The following FBXL13 variants were observed in gnomAD, a reference collection of about 807,000 sequenced individuals.
FBXL13 encodes F-box and leucine rich repeat protein 13.
FBXL13 carries 67 observed loss-of-function variants against 83.6 expected under a neutral mutation model. That is an observed-to-expected ratio of 0.80 (90% CI 0.66 to 0.98). The LOEUF is 0.98. FBXL13 is among the 50% of genes least tolerant of loss of function. The pLI is 0.00. For missense variants in FBXL13, 822 were observed against 866.5 expected, an observed-to-expected ratio of 0.95 and a Z score of 0.64; for synonymous variants, 272 against 299.5, an observed-to-expected ratio of 0.91 and a Z score of 0.95.
intron 6 of FBXL13, among the ~76,000 whole-genome samples, chr7:102,994,950 T>C (rs1179410739): frequency 6.6e-6 from 1 of 152,208 alleles, no homozygotes; most frequent in Non-Finnish European, 1.5e-5. Context: ...TCAGCCCAGT[T>C]AGGTACTCAA....
chr7:103,003,356 C>T (rs542617211), intron 6 of FBXL13, among the ~76,000 whole-genome samples: 2 of 131,298 alleles, frequency 1.5e-5, no homozygotes, highest in Non-Finnish European at 3.1e-5. Flanking sequence ...GGTGTGATCT[C>T]GGCTCACTGC....
chr7:102,963,620 C>G lies in FBXL13; in HGVS notation c.637G>C (p.Val213Leu), dbSNP rs754708511. Residue 213 changes from valine (V) to leucine (L), a missense_variant, in exon 8 of 20, where the codon GTG becomes CTG. Coordinates refer to ENST00000313221, the Ensembl canonical transcript of FBXL13. ...AAACGCCACCTTTGCAAAGTAGACA[C>G]TATATATTTATCTGGAATCACATTT... 6.2e-6 allele frequency: 10 copies of G among 1,609,486 alleles called. No homozygotes were observed. The South Asian group carries it at 1.1e-4, about 18-fold the overall frequency.
At chr7:102,851,647 C>T (rs925113035) in intron 17 of FBXL13, among the ~76,000 whole-genome samples, 2 of 151,584 alleles carry the variant, frequency 1.3e-5, no homozygotes, top group Non-Finnish European at 2.9e-5. Context: ...GTTTTAAACT[C>T]TCAAGGCACA....
chr7:103,066,787 G>T (rs928924129), intron 1 of FBXL13, among the ~76,000 whole-genome samples: 31 of 150,852 alleles, frequency 2.1e-4, no homozygotes, highest in African/African-American at 7.3e-4. Context: ...AGAATTTTGT[G>T]AGGATTTTTT....
rs1375789469 is a variant in FBXL13, at chr7:102,875,416, G to C, written c.1635+2051C>G. On this transcript the variant is annotated intron_variant, in intron 16 of 19. Transcript: ENST00000313221. ...AAAAGAGGAGGGGAGGGGAGAGCCA[G>C]AGGGAAGCAAATGCTGAGAAATTCA... Among the ~76,000 whole-genome samples, 3 of 152,112 alleles carry C rather than the reference G, an allele frequency of 2.0e-5. No individual in the cohort carries two copies. In the East Asian group the frequency reaches 5.8e-4, roughly 29 times the overall value.
intron 10 of FBXL13, among the ~76,000 whole-genome samples, chr7:102,924,888 C>T (rs887319639): frequency 1.3e-5 from 2 of 152,032 alleles, no homozygotes; most frequent in African/African-American, 2.4e-5. Context: ...CCCGGCCTCC[C>T]AAAGTGCTGG....
At chr7:102,838,979 TTGAGA>T (rs1300933053) in intron 17 of FBXL13, among the ~76,000 whole-genome samples, 1 of 152,144 alleles carries the variant, frequency 6.6e-6, no homozygotes, top group Non-Finnish European at 1.5e-5. Context: ...CCTCTTGCAG[TTGAGA>T]TAAGAGGAAG....
intron 8 of FBXL13, among the ~76,000 whole-genome samples, chr7:102,942,012 C>G (rs992725448): frequency 3.3e-5 from 5 of 152,116 alleles, no homozygotes; most frequent in Non-Finnish European, 5.9e-5. Flanking sequence ...CTTTTCTGTC[C>G]TTAGGATCCC....
In FBXL13 at chr7:102,931,837, G is replaced by A. The variant is rs776911195; in HGVS notation, c.777+44C>T. 34 of 1,579,168 alleles carry A rather than the reference G, an allele frequency of 2.2e-5. 1 individual carries two copies. Among genetic ancestry groups the A allele is most frequent in the Non-Finnish European group, 2.9e-5 (33 of 1,152,888 alleles). ...GCATATTGGCACCCCAATGTAGCAA[G>A]TCAATCTATATAAACAGCAGTAAAA... is the stretch of plus-strand genomic sequence containing the variant. On this transcript the variant is annotated intron_variant, in intron 9 of 19. Transcript: ENST00000313221.
chr7:102,886,051 A>G (rs1277757762), intron 11 of FBXL13, among the ~76,000 whole-genome samples: 1 of 152,172 alleles, frequency 6.6e-6, no homozygotes, highest in Non-Finnish European at 1.5e-5. Flanking sequence ...CTTTCTTTTC[A>G]ACTATCATTA....
rs139282154 is a variant in FBXL13, at chr7:102,855,369, C to A, written c.1636-509G>T. Among the ~76,000 whole-genome samples, 532 of 151,906 alleles carry A rather than the reference C, an allele frequency of 3.5e-3. 3 individuals are homozygous for A. Among genetic ancestry groups the A allele is most frequent in the African/African-American group, 0.013 (519 of 41,408 alleles). On this transcript the variant is annotated intron_variant, in intron 16 of 19. Coordinates refer to ENST00000313221, the Ensembl canonical transcript of FBXL13. ...GACAGATAATCATTCAGTCATAGAT[C>A]ATTTCTTTTTCAGGTTAAAGGCCTT...
chr7:102,954,594 T>C (rs1030275999), intron 8 of FBXL13, among the ~76,000 whole-genome samples: 4 of 152,160 alleles, frequency 2.6e-5, no homozygotes, highest in Non-Finnish European at 4.4e-5. Flanking sequence ...AGACACAGAC[T>C]GGCAAATTGG....
chr7:102,954,091 G>C (rs1012606294), intron 8 of FBXL13, among the ~76,000 whole-genome samples: 3 of 152,080 alleles, frequency 2.0e-5, no homozygotes, highest in Non-Finnish European at 4.4e-5. Context: ...GACAGTGGGT[G>C]CAGCCCACAC....
intron 18 of FBXL13, among the ~76,000 whole-genome samples, chr7:102,829,234 C>T (rs1031915552): frequency 1.3e-5 from 2 of 152,210 alleles, no homozygotes; most frequent in Non-Finnish European, 1.5e-5. Flanking sequence ...CAGGAATCCT[C>T]GGCTTCTGTT....
chr7:103,067,317 A>G (rs1240292081), intron 1 of FBXL13, among the ~76,000 whole-genome samples: 1 of 152,190 alleles, frequency 6.6e-6, no homozygotes, highest in African/African-American at 2.4e-5. Flanking sequence ...CAGGTAAAGG[A>G]GATAATCGTA....
chr7:102,952,075 G>T (rs181863997), intron 8 of FBXL13, among the ~76,000 whole-genome samples: 95 of 152,226 alleles, frequency 6.2e-4, no homozygotes, highest in African/African-American at 2.2e-3. Flanking sequence ...TGTGCTAAGT[G>T]AAGTAAGCCA....
At chr7:103,023,964 G>C (rs1793524236) in intron 6 of FBXL13, among the ~76,000 whole-genome samples, 1 of 152,020 alleles carries the variant, frequency 6.6e-6, no homozygotes, top group Non-Finnish European at 1.5e-5. Context: ...ACAGACACCA[G>C]GATCTACTTG....
chr7:102,978,854 A>C (rs1438790419), intron 6 of FBXL13, among the ~76,000 whole-genome samples: 1 of 152,230 alleles, frequency 6.6e-6, no homozygotes, highest in Non-Finnish European at 1.5e-5. Flanking sequence ...TCTAATAACA[A>C]AGCCACAAAG....
chr7:103,024,833 G>GTGTATA (rs1554505187), intron 6 of FBXL13, among the ~76,000 whole-genome samples: 1 of 95,986 alleles, frequency 1.0e-5, no homozygotes, highest in African/African-American at 4.6e-5. Flanking sequence ...ATATATATGT[G>GTGTATA]TATATATATA....
Sources: gnomAD v4.1 joint callset for allele counts (sites outside exome capture counted in the v4.1 genomes callset) on GRCh38, gnomAD v4.1.1 for gene constraint, MANE v1.5 for transcripts, NCBI Gene and HGNC (gene_info 2026-07-23, HGNC 2026-07-21) for gene names.